TENM2: variants seen among roughly 807,000 people sequenced by gnomAD.
TENM2 encodes teneurin transmembrane protein 2, also known as teneurin-2.
Under a neutral mutation model 245.2 loss-of-function variants are expected in TENM2, and 52 were observed. The ratio of observed to expected loss-of-function variants is 0.21; its 90% CI spans 0.17 to 0.27. The LOEUF (loss-of-function observed/expected upper bound fraction) is 0.27, where lower values mean the gene tolerates loss of function less well. TENM2 is among the 10% of genes least tolerant of loss of function. TENM2 has a pLI of 1.00. For synonymous variants in TENM2, 1,363 were observed against 1,438.9 expected, an observed-to-expected ratio of 0.95 and a Z score of 1.19; for missense variants, 3,046 against 3,666.8, an observed-to-expected ratio of 0.83 and a Z score of 4.37.
chr5:168,233,120 G>A (rs1041829661), intron 25 of TENM2, among the ~76,000 whole-genome samples: 1 of 152,200 alleles, frequency 6.6e-6, no homozygotes, highest in African/African-American at 2.4e-5. Flanking sequence ...GAGGTCAGGA[G>A]ATCAAGACCC....
intron 2 of TENM2, among the ~76,000 whole-genome samples, chr5:167,602,677 T>C (rs568236616): frequency 1.2e-4 from 18 of 152,202 alleles, no homozygotes; most frequent in South Asian, 2.1e-4. Context: ...AAATGTTATA[T>C]AGATGATGCC....
chr5:167,155,879 G>T, the TENM2 span, among the ~76,000 whole-genome samples: 1 of 152,202 alleles, frequency 6.6e-6, no homozygotes, highest in East Asian at 1.9e-4. Flanking sequence ...TTTGAGCAGC[G>T]CTGGGCTTCT....
the TENM2 span, among the ~76,000 whole-genome samples, chr5:167,247,640 G>A: frequency 1.3e-5 from 2 of 152,094 alleles, no homozygotes; most frequent in African/African-American, 4.8e-5. Flanking sequence ...CTGAATTTCA[G>A]TTTATCTTCT....
Position 167,463,477 on chromosome 5 carries a change from T to G in TENM2, c.502+88004T>G, listed in dbSNP as rs571832764. 1.7e-4 allele frequency among the ~76,000 whole-genome samples: 26 copies of G among 152,064 alleles called. No homozygotes were observed. In the South Asian group the frequency reaches 5.0e-3, roughly 29 times the overall value. On this transcript the variant is annotated intron_variant, in intron 2 of 28. Transcript: ENST00000518659. ...CAATTATGTGTATGTGAGTATTTTT[T>G]GAATACTAGAAGATATTTATTTTAT...
At chr5:167,503,435 AAAGG>A (rs1210272767) in intron 2 of TENM2, among the ~76,000 whole-genome samples, 1 of 152,122 alleles carries the variant, frequency 6.6e-6, no homozygotes, top group Non-Finnish European at 1.5e-5. Context: ...GAGAGGAAGA[AAAGG>A]AAGGAAGAGA....
the TENM2 span, among the ~76,000 whole-genome samples, chr5:167,026,857 A>AT: frequency 6.6e-6 from 1 of 152,180 alleles, no homozygotes; most frequent in Non-Finnish European, 1.5e-5. Flanking sequence ...TCTAAACAGG[A>AT]TTTTTTGGAA....
the TENM2 span, among the ~76,000 whole-genome samples, chr5:167,062,831 G>C: frequency 2.0e-5 from 3 of 152,214 alleles, no homozygotes; most frequent in Non-Finnish European, 4.4e-5. Context: ...TCTTGGCAGA[G>C]AAAATAGTTT....
chr5:167,410,665 G>A (rs1221468517), intron 2 of TENM2, among the ~76,000 whole-genome samples: 3 of 152,000 alleles, frequency 2.0e-5, no homozygotes. Flanking sequence ...TATGCATAAA[G>A]CAGGTCTAAA....
intron 1 of TENM2, among the ~76,000 whole-genome samples, chr5:167,346,985 G>C (rs1170640796): frequency 7.2e-5 from 11 of 151,886 alleles, no homozygotes; most frequent in Non-Finnish European, 5.9e-5. Context: ...TGTTGCCCAG[G>C]CTGGTCTTAA....
chr5:167,627,558 ACTT>A (rs1349933932), intron 2 of TENM2, among the ~76,000 whole-genome samples: 1 of 120,882 alleles, frequency 8.3e-6, no homozygotes, highest in Non-Finnish European at 1.7e-5. Context: ...TTTTGACTCT[ACTT>A]CTTTTTTTTT....
At chr5:168,162,085 G>T (rs1562233742) in intron 12 of TENM2, among the ~76,000 whole-genome samples, 1 of 152,096 alleles carries the variant, frequency 6.6e-6, no homozygotes, top group Non-Finnish European at 1.5e-5. Flanking sequence ...TATGAAAATA[G>T]CCCAGCAGAA....
the TENM2 span, among the ~76,000 whole-genome samples, chr5:167,158,696 A>G: frequency 4.6e-5 from 7 of 152,074 alleles, no homozygotes; most frequent in African/African-American, 1.7e-4. Flanking sequence ...GTCTCCTTAC[A>G]AGGATACAAA....
intron 2 of TENM2, among the ~76,000 whole-genome samples, chr5:167,875,613 T>C (rs1005758221): frequency 3.3e-5 from 5 of 152,006 alleles, no homozygotes; most frequent in African/African-American, 1.2e-4. Flanking sequence ...GGGGAGTAGA[T>C]GGATTATGTG....
chr5:166,991,683 G>A, the TENM2 span, among the ~76,000 whole-genome samples: 1 of 152,106 alleles, frequency 6.6e-6, no homozygotes. Flanking sequence ...ATAGCCCAGT[G>A]ACAAAGCCTA....
intron 2 of TENM2, among the ~76,000 whole-genome samples, chr5:167,742,979 ACAAC>A (rs1761293407): frequency 2.1e-4 from 1 of 4,728 alleles, no homozygotes; most frequent in Admixed American, 3.8e-3. Context: ...TGTCTTAAAA[ACAAC>A]AACAACAACA....
intron 2 of TENM2, among the ~76,000 whole-genome samples, chr5:167,831,062 A>T (rs1768430809): frequency 6.6e-6 from 1 of 152,002 alleles, no homozygotes; most frequent in African/African-American, 2.4e-5. Context: ...TGTTCTCTCT[A>T]TGGGAAGTAC....
At chr5:167,158,846 C>CCCTTCTT in the TENM2 span, among the ~76,000 whole-genome samples, 6 of 86,028 alleles carry the variant, frequency 7.0e-5, no homozygotes, top group African/African-American at 2.9e-4. Context: ...TCCATAGCAG[C>CCCTTCTT]CCTTCCTTCC....
chr5:168,198,227 A>G (rs1230568939), intron 15 of TENM2, among the ~76,000 whole-genome samples: 2 of 119,900 alleles, frequency 1.7e-5, no homozygotes, highest in Non-Finnish European at 3.2e-5. Context: ...ACAGAGTCTC[A>G]CTCTATCACC....
the TENM2 span, among the ~76,000 whole-genome samples, chr5:167,101,849 T>TTATTTATATATATATATATATATATA: frequency 1.4e-5 from 1 of 69,456 alleles, no homozygotes; most frequent in Non-Finnish European, 2.6e-5. Context: ...ATATATATAT[T>TTATTTATATATATATATATATATATA]TATATATATA....
Sources: allele counts gnomAD v4.1 joint callset (sites outside exome capture counted in the v4.1 genomes callset), GRCh38; gene constraint gnomAD v4.1.1; transcripts MANE v1.5; gene names NCBI Gene and HGNC (gene_info 2026-07-23, HGNC 2026-07-21).